RGS20: variants seen among roughly 807,000 people sequenced by gnomAD.
The protein encoded by RGS20 is regulator of G protein signaling 20, also known as gz-selective GTPase-activating protein.
Under a neutral mutation model 33.6 loss-of-function variants are expected in RGS20, and 30 were observed. That is an observed-to-expected ratio of 0.89 (90% CI 0.67 to 1.21). RGS20 has a LOEUF of 1.21. Ranked by LOEUF, RGS20 falls within the 50% of genes most tolerant of loss-of-function variation. RGS20 has a pLI of 0.00. For missense variants in RGS20, 472 were observed against 502.4 expected, an observed-to-expected ratio of 0.94 and a Z score of 0.58; for synonymous variants, 208 against 197.9, an observed-to-expected ratio of 1.05 and a Z score of -0.43.
At chr8:53,895,393 T>TTAGGCTCTGATGA in intron 2 of RGS20, among the ~76,000 whole-genome samples, 1 of 152,320 alleles carries the variant, frequency 6.6e-6, no homozygotes, top group Middle Eastern at 3.4e-3. Flanking sequence ...TGTGGATTCG[T>TTAGGCTCTGATGA]TAGGCTCTGA....
chr8:53,915,330 C>T (rs921210628), intron 2 of RGS20, among the ~76,000 whole-genome samples: 1 of 152,094 alleles, frequency 6.6e-6, no homozygotes, highest in African/African-American at 2.4e-5. Context: ...TTGGATGCAG[C>T]ACTGCTGAAG....
At chr8:53,880,991 T>C in intron 2 of RGS20, 1 of 1,592,420 alleles carries the variant, frequency 6.3e-7, no homozygotes, top group Non-Finnish European at 8.5e-7. Flanking sequence ...CGCGCTGCAA[T>C]ATTGAGAAGG....
intron 2 of RGS20, among the ~76,000 whole-genome samples, chr8:53,915,640 T>C (rs1032915150): frequency 1.3e-5 from 2 of 152,066 alleles, no homozygotes; most frequent in Admixed American, 6.6e-5. Flanking sequence ...GGCCCTCCCA[T>C]TGAGTCTCAG....
chr8:53,852,485 A>G (rs1403569217), intron 1 of RGS20, among the ~76,000 whole-genome samples: 1 of 152,248 alleles, frequency 6.6e-6, no homozygotes, highest in Non-Finnish European at 1.5e-5. Context: ...TGATAAACTA[A>G]GAACATAAGA....
At chr8:53,868,470 G>T (rs1052084044) in intron 1 of RGS20, among the ~76,000 whole-genome samples, 3 of 152,102 alleles carry the variant, frequency 2.0e-5, no homozygotes, top group Admixed American at 6.6e-5. Context: ...TCACTGGTCT[G>T]CAGTTTACTC....
At chr8:53,945,979 C>G (rs748994780) in intron 3 of RGS20, among the ~76,000 whole-genome samples, 6 of 151,788 alleles carry the variant, frequency 4.0e-5, no homozygotes, top group Non-Finnish European at 7.4e-5. Context: ...AACAAAAATA[C>G]TTGGAATAAG....
intron 1 of RGS20, among the ~76,000 whole-genome samples, chr8:53,859,138 C>G (rs556999549): frequency 1.3e-5 from 2 of 152,208 alleles, no homozygotes; most frequent in East Asian, 3.9e-4. Context: ...TAACATAATA[C>G]ATTTGTTTTT....
In RGS20 at chr8:53,934,996, G is replaced by T. The variant is rs189214564; in HGVS notation, c.511-4580G>T. Among the ~76,000 whole-genome samples, 23 of 152,262 alleles carry T rather than the reference G, an allele frequency of 1.5e-4. No individual in the cohort carries two copies. In the East Asian group the frequency reaches 2.9e-3, roughly 19 times the overall value. On this transcript the variant is annotated intron_variant, in intron 2 of 5. Coordinates refer to ENST00000297313, the MANE Select transcript of RGS20 (RefSeq NM_170587.4). Reference sequence around the variant, plus strand: ...CAACTGCATGGAAACTGAACAACCTGCTCTTGAATGACTACTGAGTAAATA... The same window carrying T: ...CAACTGCATGGAAACTGAACAACCTTCTCTTGAATGACTACTGAGTAAATA...
chr8:53,889,978 C>T (rs1210847123), intron 2 of RGS20, among the ~76,000 whole-genome samples: 1 of 152,068 alleles, frequency 6.6e-6, no homozygotes, highest in African/African-American at 2.4e-5. Flanking sequence ...AACTGAGCTT[C>T]TTTTATCTGT....
intron 2 of RGS20, among the ~76,000 whole-genome samples, chr8:53,935,825 T>G (rs1317800323): frequency 6.6e-6 from 1 of 152,176 alleles, no homozygotes; most frequent in Non-Finnish European, 1.5e-5. Context: ...ATATCCCTGA[T>G]GAACATCAAT....
chr8:53,896,282 C>A (rs1196886566), intron 2 of RGS20, among the ~76,000 whole-genome samples: 2 of 151,870 alleles, frequency 1.3e-5, no homozygotes, highest in Admixed American at 6.5e-5. Context: ...GCTGTCCCCC[C>A]CAAAAAAAGA....
intron 2 of RGS20, among the ~76,000 whole-genome samples, chr8:53,927,039 G>T (rs1437356442): frequency 6.6e-6 from 1 of 152,098 alleles, no homozygotes; most frequent in Non-Finnish European, 1.5e-5. Flanking sequence ...GTTTGCCTTG[G>T]CTTTTAGTTG....
At chr8:53,940,508 A>C (rs549575210) in intron 3 of RGS20, among the ~76,000 whole-genome samples, 1 of 152,222 alleles carries the variant, frequency 6.6e-6, no homozygotes, top group Admixed American at 6.5e-5. Context: ...CTGCTGGAAG[A>C]GAAGAAAAAC....
chr8:53,941,620 TAAAAG>T (rs1328905722), intron 3 of RGS20, among the ~76,000 whole-genome samples: 2 of 152,236 alleles, frequency 1.3e-5, no homozygotes, highest in Non-Finnish European at 2.9e-5. Flanking sequence ...AAAAAATTAT[TAAAAG>T]AAAATTTTCT....
At chr8:53,874,367 G>GGT (rs138636662) in intron 1 of RGS20, among the ~76,000 whole-genome samples, 15,489 of 146,384 alleles carry the variant, frequency 0.11, 775 homozygotes, top group Admixed American at 0.13. Flanking sequence ...AGCAATAAGG[G>GGT]GTGTGTGTGT....
intron 1 of RGS20, among the ~76,000 whole-genome samples, chr8:53,865,908 A>G (rs904448601): frequency 6.6e-6 from 1 of 152,194 alleles, no homozygotes. Flanking sequence ...TGCCTGGCCA[A>G]CTGCTTAGGG....
intron 2 of RGS20, chr8:53,914,653 T>TA (rs1181803497): frequency 6.6e-5 from 10 of 152,108 alleles, no homozygotes; most frequent in African/African-American, 2.4e-4. Context: ...CTCATGCAGA[T>TA]TCTATAGCTT....
intron 4 of RGS20, among the ~76,000 whole-genome samples, chr8:53,953,341 TA>T (rs1427124583): frequency 1.3e-5 from 2 of 152,132 alleles, no homozygotes; most frequent in Non-Finnish European, 2.9e-5. Context: ...GGCAACATAG[TA>T]AGACCTGACT....
At chr8:53,957,732 T>C (rs555081728) in intron 5 of RGS20, among the ~76,000 whole-genome samples, 1 of 152,354 alleles carries the variant, frequency 6.6e-6, no homozygotes, top group South Asian at 2.1e-4. Flanking sequence ...CAGGAACCGC[T>C]CTCACAAGCC....
Sources: gnomAD v4.1 joint callset for allele counts (sites outside exome capture counted in the v4.1 genomes callset) on GRCh38, gnomAD v4.1.1 for gene constraint, MANE v1.5 for transcripts, NCBI Gene and HGNC (gene_info 2026-07-23, HGNC 2026-07-21) for gene names.